KCNIP4: variants seen among roughly 807,000 people sequenced by gnomAD.
KCNIP4 encodes the protein Kv channel-interacting protein 4.
A neutral mutation model predicts 34.0 loss-of-function variants in KCNIP4; 12 were observed. The observed-to-expected ratio is 0.35, with a 90% CI of 0.23 to 0.57. The LOEUF (loss-of-function observed/expected upper bound fraction) is 0.57, where lower values mean the gene tolerates loss of function less well. Ranked by LOEUF, KCNIP4 falls within the 20% of genes least tolerant of loss-of-function variation. The probability of loss-of-function intolerance (pLI) is 0.83; values close to 1 mark genes in which losing one functional copy is unlikely to be tolerated. For synonymous variants in KCNIP4, 124 were observed against 102.2 expected, an observed-to-expected ratio of 1.21 and a Z score of -1.29; for missense variants, 238 against 311.7, an observed-to-expected ratio of 0.76 and a Z score of 1.78.
intron 1 of KCNIP4, among the ~76,000 whole-genome samples, chr4:21,124,102 T>C (rs933110852): frequency 5.3e-5 from 8 of 151,842 alleles, no homozygotes; most frequent in African/African-American, 1.9e-4. Context: ...AAGGACACTG[T>C]TTTACATTTT....
At chr4:21,545,087 A>C (rs566188090) in intron 1 of KCNIP4, among the ~76,000 whole-genome samples, 3 of 152,294 alleles carry the variant, frequency 2.0e-5, no homozygotes, top group Admixed American at 2.0e-4. Context: ...CAAGATAGCA[A>C]GGAGAGTGAC....
At chr4:20,884,950 C>T (rs1008234730) in intron 1 of KCNIP4, among the ~76,000 whole-genome samples, 2 of 151,920 alleles carry the variant, frequency 1.3e-5, no homozygotes, top group African/African-American at 2.4e-5. Flanking sequence ...ATCCACCCAC[C>T]TTGGCCTGCC....
intron 1 of KCNIP4, among the ~76,000 whole-genome samples, chr4:21,793,655 C>G (rs2109238455): frequency 6.6e-6 from 1 of 152,278 alleles, no homozygotes; most frequent in Middle Eastern, 3.4e-3. Flanking sequence ...TAAATACCAC[C>G]TGAATCCTCC....
intron 1 of KCNIP4, among the ~76,000 whole-genome samples, chr4:21,327,140 T>C (rs779169682): frequency 6.6e-6 from 1 of 152,114 alleles, no homozygotes; most frequent in Non-Finnish European, 1.5e-5. Context: ...GTGCTTACTA[T>C]TACCAGTGAC....
intron 1 of KCNIP4, among the ~76,000 whole-genome samples, chr4:21,070,594 TTAAG>T (rs1335917764): frequency 2.0e-5 from 3 of 151,858 alleles, no homozygotes; most frequent in African/African-American, 7.3e-5. Context: ...TTCTTTATGA[TTAAG>T]TATGTGTTCA....
intron 1 of KCNIP4, among the ~76,000 whole-genome samples, chr4:21,470,207 G>A (rs1316807085): frequency 1.3e-5 from 2 of 152,126 alleles, no homozygotes; most frequent in African/African-American, 2.4e-5. Flanking sequence ...GGAGGCAAGA[G>A]ATTAGCAAAA....
At chr4:21,152,386 C>T (rs1414776998) in intron 1 of KCNIP4, among the ~76,000 whole-genome samples, 2 of 152,148 alleles carry the variant, frequency 1.3e-5, no homozygotes, top group Non-Finnish European at 2.9e-5. Context: ...AACTTCTTTT[C>T]TTCCATTCTC....
intron 1 of KCNIP4, among the ~76,000 whole-genome samples, chr4:21,085,118 A>G (rs1746306021): frequency 6.6e-6 from 1 of 152,072 alleles, no homozygotes; most frequent in South Asian, 2.1e-4. Flanking sequence ...CTAAACCCCA[A>G]TATGATGGTA....
At position 21,377,134 on chromosome 4, in the gene KCNIP4, G is replaced by A. The variant is rs139302215; in HGVS notation, c.62-494425C>T. On this transcript the variant is annotated intron_variant, in intron 1 of 8. Transcript: ENST00000382152. Reference sequence around the variant, plus strand: ...TCTGTCTGACACCTTCACAGAACTCGCTTAAGTAAGCTTTCCATTACTAAA... The same window carrying A: ...TCTGTCTGACACCTTCACAGAACTCACTTAAGTAAGCTTTCCATTACTAAA... Among the ~76,000 whole-genome samples the A allele has an allele frequency of 8.4e-4, 128 of 152,090 alleles. 1 individual carries two copies. In the East Asian group the frequency reaches 0.011, roughly 13 times the overall value.
chr4:21,306,665 A>T (rs1195029860), intron 1 of KCNIP4, among the ~76,000 whole-genome samples: 1 of 152,172 alleles, frequency 6.6e-6, no homozygotes, highest in Non-Finnish European at 1.5e-5. Context: ...ACTTAAACAC[A>T]CACCACCTCG....
intron 1 of KCNIP4, among the ~76,000 whole-genome samples, chr4:21,319,315 A>G (rs558270281): frequency 4.9e-4 from 74 of 152,362 alleles, no homozygotes; most frequent in African/African-American, 1.6e-3. Context: ...TTAAGGAATA[A>G]CAAATCAACA....
At chr4:20,809,238 A>G (rs1407625620) in intron 3 of KCNIP4, among the ~76,000 whole-genome samples, 1 of 152,234 alleles carries the variant, frequency 6.6e-6, no homozygotes, top group Non-Finnish European at 1.5e-5. Context: ...GATTAAGGCC[A>G]GGAAATTTTT....
chr4:21,886,774 G>T (rs941325357), intron 1 of KCNIP4, among the ~76,000 whole-genome samples: 32 of 152,148 alleles, frequency 2.1e-4, no homozygotes, highest in African/African-American at 7.7e-4. Context: ...TGGCAACCAT[G>T]GAGGGCACAC....
At chr4:21,887,275 C>G (rs114388887) in intron 1 of KCNIP4, among the ~76,000 whole-genome samples, 1,871 of 152,094 alleles carry the variant, frequency 0.012, 46 homozygotes, top group African/African-American at 0.043. Flanking sequence ...GGTTCCAGCA[C>G]GGTCAGGTTC....
chr4:21,616,230 T>G (rs556287484), intron 1 of KCNIP4, among the ~76,000 whole-genome samples: 1 of 152,294 alleles, frequency 6.6e-6, no homozygotes, highest in Admixed American at 6.5e-5. Flanking sequence ...TTTCCAAGAC[T>G]GATACCATTA....
chr4:21,379,243 T>A (rs546487946), intron 1 of KCNIP4, among the ~76,000 whole-genome samples: 3 of 152,340 alleles, frequency 2.0e-5, no homozygotes, highest in Admixed American at 6.5e-5. Flanking sequence ...TGAATACTGT[T>A]AGCTCTACCT....
At chr4:21,024,934 G>C (rs1201795202) in intron 1 of KCNIP4, among the ~76,000 whole-genome samples, 5 of 152,124 alleles carry the variant, frequency 3.3e-5, no homozygotes, top group African/African-American at 1.2e-4. Flanking sequence ...CAAATTTTAA[G>C]AGGAAAGGGA....
Position 21,948,551 on chromosome 4 carries a change from G to C in KCNIP4, c.61+20C>G. 3 of 1,610,110 alleles carry C rather than the reference G, an allele frequency of 1.9e-6. No individual in the cohort carries two copies. Among genetic ancestry groups the C allele is most frequent in the Non-Finnish European group, 2.5e-6 (3 of 1,178,200 alleles). ...GGAGGGCGGAAGCGGGCGCCCGCTCGCAAGCTTATTGCATCCTACCGCCTG... is the reference window on the plus strand; with the variant it reads ...GGAGGGCGGAAGCGGGCGCCCGCTCCCAAGCTTATTGCATCCTACCGCCTG... On this transcript the variant is annotated intron_variant, in intron 1 of 8. Transcript: ENST00000382152.
chr4:20,728,891 T>C lies in KCNIP4; in HGVS notation c.*1191A>G, dbSNP rs963834312. 4.6e-5 allele frequency: 7 copies of C among 151,670 alleles called. No individual in the cohort carries two copies. The highest frequency in any genetic ancestry group is 1.7e-4 in the African/African-American group (7 of 41,006). 9.4% of individuals were successfully genotyped at this position (151,670 alleles called of 1,614,324 possible). A position where few individuals can be genotyped will look rare whatever the true frequency, so the allele number is the denominator to read the frequency against. On this transcript the variant is annotated 3_prime_UTR_variant, in exon 9 of 9. Coordinates refer to ENST00000382152, the MANE Select transcript of KCNIP4 (RefSeq NM_025221.6). ...GGGACGATGTGTGTGGCTTTAGTAA[T>C]GTGGCAACTTTACAGTTTTGGCTAA...
Sources: allele counts gnomAD v4.1 joint callset (sites outside exome capture counted in the v4.1 genomes callset), GRCh38; gene constraint gnomAD v4.1.1; transcripts MANE v1.5; gene names NCBI Gene and HGNC (gene_info 2026-07-23, HGNC 2026-07-21).